The following LPAR1 variants were observed in gnomAD, a reference collection of about 807,000 sequenced individuals.
The protein encoded by LPAR1 is lysophosphatidic acid receptor 1, also known as LPA receptor 1.
LPAR1 carries 5 observed loss-of-function variants against 23.8 expected under a neutral mutation model. That is an observed-to-expected ratio of 0.21 (90% confidence interval 0.11 to 0.44). LPAR1 has a LOEUF of 0.44. Among genes scored for constraint, LPAR1 ranks in the 20% least tolerant of loss-of-function variants. LPAR1 has a pLI of 0.99. For missense variants in LPAR1, 311 were observed against 482.8 expected (o/e 0.64, Z 3.33); for synonymous variants, 160 against 164.7 (o/e 0.97, Z 0.22).
Position 110,873,266 on chromosome 9 carries a change from T to C in LPAR1, c.*2155A>G, listed in dbSNP as rs779217252. The stretch of plus-strand genomic sequence containing the variant: ...AGAACCACACATTACCAAACGCTGA[T>C]TGAAAATGATTTATTAAAGTCCAAT... On this transcript the variant is annotated 3_prime_UTR_variant, in exon 6 of 6. Transcript: ENST00000683809. The C allele has an allele frequency of 2.0e-5, 3 of 152,214 alleles. No individual in the cohort carries two copies. The highest frequency in any genetic ancestry group is 3.8e-4 in the East Asian group (2 of 5,204). 9.4% of individuals were successfully genotyped at this position (152,214 alleles called of 1,614,324 possible).
chr9:110,993,291 C>CA (rs2096932434), intron 2 of LPAR1, among the ~76,000 whole-genome samples: 1 of 152,176 alleles, frequency 6.6e-6, no homozygotes, highest in African/African-American at 2.4e-5. Context: ...CACCCACCAA[C>CA]AGGCCCCTGG....
intron 5 of LPAR1, among the ~76,000 whole-genome samples, chr9:110,925,696 T>C (rs1395967715): frequency 6.6e-6 from 1 of 152,164 alleles, no homozygotes; most frequent in Non-Finnish European, 1.5e-5. Flanking sequence ...AGGCCACAGG[T>C]GGCCCTTTCA....
chr9:111,026,160 C>A (rs1588926345), intron 2 of LPAR1, among the ~76,000 whole-genome samples: 1 of 152,294 alleles, frequency 6.6e-6, no homozygotes, highest in East Asian at 1.9e-4. Flanking sequence ...CTATCCATAA[C>A]ATGGAATATT....
At chr9:110,929,818 G>A (rs922201881) in intron 5 of LPAR1, among the ~76,000 whole-genome samples, 14 of 151,530 alleles carry the variant, frequency 9.2e-5, no homozygotes, top group African/African-American at 3.2e-4. Flanking sequence ...TTGTTTTTTA[G>A]TATAAGTATA....
chr9:110,902,604 T>G (rs915688227), intron 5 of LPAR1, among the ~76,000 whole-genome samples: 19 of 152,174 alleles, frequency 1.2e-4, no homozygotes, highest in South Asian at 2.1e-4. Flanking sequence ...TATGTCTTTA[T>G]TAGCAGCATG....
chr9:110,993,914 A>AG (rs1462709490), intron 2 of LPAR1, among the ~76,000 whole-genome samples: 5 of 152,212 alleles, frequency 3.3e-5, no homozygotes, highest in Admixed American at 3.3e-4. Flanking sequence ...ATTATTTCTA[A>AG]GTTTGAAAAT....
chr9:111,038,797 C>G, upstream of LPAR1: 2 of 331,340 alleles, frequency 6.0e-6, no homozygotes, highest in Middle Eastern at 7.8e-4. This position sits in a 1 kb window ranked among gnomAD's most constrained non-coding sequence, Gnocchi z 4.4. Flanking sequence ...GCCCCGCCCC[C>G]GAGTCGACAC....
intron 5 of LPAR1, among the ~76,000 whole-genome samples, chr9:110,915,321 G>A (rs1214780365): frequency 6.6e-6 from 1 of 152,170 alleles, no homozygotes; most frequent in Non-Finnish European, 1.5e-5. Flanking sequence ...CAGATCACTG[G>A]AGGTAAAGAG....
At chr9:111,014,591 T>C (rs1306018006) in intron 2 of LPAR1, among the ~76,000 whole-genome samples, 1 of 152,156 alleles carries the variant, frequency 6.6e-6, no homozygotes, top group African/African-American at 2.4e-5. Flanking sequence ...GGCCTCTCTT[T>C]CAAAGACTGA....
chr9:110,914,378 G>A (rs1332789928), intron 5 of LPAR1, among the ~76,000 whole-genome samples: 1 of 152,158 alleles, frequency 6.6e-6, no homozygotes, highest in African/African-American at 2.4e-5. Context: ...AAGCAAGAGG[G>A]AGAATGAGAG....
chr9:110,885,854 G>C (rs1485194870), intron 5 of LPAR1, among the ~76,000 whole-genome samples: 1 of 152,156 alleles, frequency 6.6e-6, no homozygotes, highest in Non-Finnish European at 1.5e-5. Flanking sequence ...CCTGAGGTGA[G>C]GAGTTCGAGA....
chr9:110,945,189 G>A (rs55947649), intron 4 of LPAR1, among the ~76,000 whole-genome samples: 2,719 of 152,288 alleles, frequency 0.018, 35 homozygotes, highest in Non-Finnish European at 0.028. Flanking sequence ...GAAGGGCAGT[G>A]TGAATGGGCT....
intron 4 of LPAR1, among the ~76,000 whole-genome samples, chr9:110,960,283 T>C (rs1435644305): frequency 6.6e-6 from 1 of 152,210 alleles, no homozygotes; most frequent in African/African-American, 2.4e-5. Context: ...ACACATTCTA[T>C]GTGTGTAATA....
intron 2 of LPAR1, among the ~76,000 whole-genome samples, chr9:111,019,286 C>T (rs923575400): frequency 7.2e-5 from 11 of 152,114 alleles, no homozygotes; most frequent in Admixed American, 5.2e-4. Context: ...TCGCAAGACA[C>T]CTTCTCTATT....
intron 5 of LPAR1, among the ~76,000 whole-genome samples, chr9:110,911,026 G>A (rs1025327699): frequency 1.3e-5 from 2 of 152,212 alleles, no homozygotes; most frequent in Non-Finnish European, 2.9e-5. Context: ...TAGGGTTTGA[G>A]AGGATTGACT....
intron 5 of LPAR1, among the ~76,000 whole-genome samples, chr9:110,892,312 A>T (rs1248671953): frequency 6.6e-6 from 1 of 152,212 alleles, no homozygotes; most frequent in Non-Finnish European, 1.5e-5. Flanking sequence ...AGGTTGACCA[A>T]CACTAGAAAG....
Position 111,038,468 on chromosome 9 carries a change from A to C in LPAR1, c.-563T>G. On this transcript the variant is annotated 5_prime_UTR_variant, in exon 1 of 6. Transcript: ENST00000683809. This position sits in a 1 kb window ranked among gnomAD's most constrained non-coding sequence, Gnocchi z 4.4. The stretch of plus-strand genomic sequence containing the variant: ...GAGCGTCAGCCGCCAGTCGGCCCCT[A>C]CTGCCCGGCTTTGGCGCGCTGGCAG... 2.8e-6 allele frequency: 1 copy of C among 363,582 alleles called. No homozygotes were observed. Among genetic ancestry groups the C allele is most frequent in the Non-Finnish European group, 5.4e-6 (1 of 183,534 alleles). The allele number at this position is 363,582 out of a possible 1,614,324, so 22.5% of individuals were successfully genotyped here. A position where few individuals can be genotyped will look rare whatever the true frequency, so the allele number is the denominator to read the frequency against.
chr9:111,023,892 A>T (rs2097621445), intron 2 of LPAR1, among the ~76,000 whole-genome samples: 1 of 152,234 alleles, frequency 6.6e-6, no homozygotes, highest in Admixed American at 6.5e-5. Flanking sequence ...AACATTTCTA[A>T]CTATGGGTCA....
chr9:111,030,471 C>T (rs930183698), intron 2 of LPAR1, among the ~76,000 whole-genome samples: 6 of 152,142 alleles, frequency 3.9e-5, no homozygotes, highest in African/African-American at 1.4e-4. Flanking sequence ...CTGAATACTC[C>T]TACAATGAAA....
Sources: allele counts gnomAD v4.1 joint callset (sites outside exome capture counted in the v4.1 genomes callset), GRCh38; gene constraint gnomAD v4.1.1; non-coding constraint Gnocchi (gnomAD v3.1); transcripts MANE v1.5; gene names NCBI Gene and HGNC (gene_info 2026-07-23, HGNC 2026-07-21).